The following RAD21 variants were observed in gnomAD, a reference collection of about 807,000 sequenced individuals.
RAD21 encodes RAD21 cohesin complex component.
A neutral mutation model predicts 71.5 loss-of-function variants in RAD21; 18 were observed. The observed-to-expected ratio is 0.25, with a 90% CI of 0.17 to 0.37. The LOEUF is 0.37. Ranked by LOEUF, RAD21 falls within the 10% of genes least tolerant of loss-of-function variation. RAD21 has a pLI of 1.00. For missense variants in RAD21, 493 were observed against 769.1 expected, an observed-to-expected ratio of 0.64 and a Z score of 4.25; for synonymous variants, 248 against 254.0, an observed-to-expected ratio of 0.98 and a Z score of 0.22.
chr8:116,868,644 TAAAA>T, intron 1 of RAD21, among the ~76,000 whole-genome samples: 1 of 152,198 alleles, frequency 6.6e-6, no homozygotes, highest in Non-Finnish European at 1.5e-5. Flanking sequence ...GCAAATAAAC[TAAAA>T]AAGCTAAAAC....
Position 116,866,570 on chromosome 8 carries a change from T to A in RAD21, c.144+16A>T, listed in dbSNP as rs372377073. 1.7e-5 allele frequency: 27 copies of A among 1,585,478 alleles called. No individual in the cohort carries two copies. Among genetic ancestry groups the A allele is most frequent in the Non-Finnish European group, 2.2e-5 (26 of 1,167,594 alleles). ...ACAATCAACAAAGTGAATAAAAATGTCAACATCAAACATACCTTTGGTGAG... is the reference window on the plus strand; with the variant it reads ...ACAATCAACAAAGTGAATAAAAATGACAACATCAAACATACCTTTGGTGAG... On this transcript the variant is annotated intron_variant, in intron 2 of 13. Transcript: ENST00000297338.
rs16888904 is a variant in RAD21 at position 116,851,874 on chromosome 8, C to A, written c.1470+74G>T. On this transcript the variant is annotated intron_variant, in intron 11 of 13. Coordinates refer to ENST00000297338, the MANE Select transcript of RAD21 (RefSeq NM_006265.3). ...GTCAAAACCAAGATACTTTAAAAGG[C>A]CTCCCTAAATACCACTTGCTACTGA... The A allele has an allele frequency of 1.3e-3, 1,904 of 1,455,258 alleles. 25 individuals are homozygous for A. In the African/African-American group the frequency reaches 0.024, roughly 18 times the overall value. 90.1% of individuals were successfully genotyped at this position (1,455,258 alleles called of 1,614,324 possible). A position where few individuals can be genotyped will look rare whatever the true frequency, so the allele number is the denominator to read the frequency against.
intron 10 of RAD21, 154 bp downstream of exon 10, chr8:116,852,395 C>A (rs150839876): frequency 1.9e-4 from 164 of 860,334 alleles, no homozygotes; most frequent in Non-Finnish European, 2.4e-4. Flanking sequence ...AGGCTTCATA[C>A]TTAAATAAGG....
intron 3 of RAD21, 73 bp from the exon 4 acceptor site, chr8:116,862,013 G>C (rs1190810112): frequency 8.6e-7 from 1 of 1,165,542 alleles, no homozygotes; most frequent in African/African-American, 1.5e-5. Flanking sequence ...AGATAAGTAG[G>C]TATAACTTCC....
At chr8:116,860,444 G>T (rs1444686170) in intron 4 of RAD21, among the ~76,000 whole-genome samples, 1 of 152,110 alleles carries the variant, frequency 6.6e-6, no homozygotes, top group Admixed American at 6.6e-5. Context: ...AAACTTCACT[G>T]TTGTCTTATT....
intron 9 of RAD21, 68 bp downstream of exon 9, chr8:116,854,177 G>T: frequency 7.8e-7 from 1 of 1,282,582 alleles, no homozygotes; most frequent in Non-Finnish European, 1.1e-6. Flanking sequence ...TGATTCAAAG[G>T]TTTTAGAATC....
intron 4 of RAD21, 144 bp downstream of exon 4, chr8:116,861,697 T>A: frequency 2.2e-6 from 1 of 454,838 alleles, no homozygotes; most frequent in African/African-American, 2.0e-5. Context: ...TTATGTTCCA[T>A]ATTTATATAC....
In RAD21 at chr8:116,845,951, C is replaced by T. The variant is rs1413888067; in HGVS notation, c.*1549G>A. ...CAAAAAAGTACAGCTTATAACACAA[C>T]TTTTATTAGAAAAGTTATACATAAC... On this transcript the variant is annotated 3_prime_UTR_variant, in exon 14 of 14. Transcript: ENST00000297338. The T allele has an allele frequency of 4.5e-6, 1 of 223,954 alleles. No homozygotes were observed. The highest frequency in any genetic ancestry group is 8.9e-6 in the Non-Finnish European group (1 of 112,222). The allele number at this position is 223,954 out of a possible 1,614,324, so 13.9% of individuals were successfully genotyped here.
At chr8:116,870,517 C>T (rs1812798263) in intron 1 of RAD21, among the ~76,000 whole-genome samples, 2 of 152,174 alleles carry the variant, frequency 1.3e-5, no homozygotes, top group Non-Finnish European at 2.9e-5. Flanking sequence ...CTTCCCATAC[C>T]GGAAGAGAGC....
chr8:116,852,136 G>C, intron 10 of RAD21, 40 bp from the exon 11 acceptor site: 1 of 1,545,276 alleles, frequency 6.5e-7, no homozygotes, highest in East Asian at 2.3e-5. Context: ...AGGTCATACA[G>C]TTTTGAACAG....
chr8:116,859,328 C>T (rs1812536859), intron 4 of RAD21, among the ~76,000 whole-genome samples: 1 of 152,070 alleles, frequency 6.6e-6, no homozygotes, highest in African/African-American at 2.4e-5. Context: ...TTTGGTAATT[C>T]TCATGCTATT....
At position 116,852,653 on chromosome 8, in the gene RAD21, TTCC is replaced by T; in HGVS notation, c.1214_1216del (p.Arg405del). 1.2e-6 allele frequency: 2 copies of T among 1,613,350 alleles called. No homozygotes were observed. The highest frequency in any genetic ancestry group is 2.2e-5 in the East Asian group (1 of 44,850). On this transcript the variant is annotated inframe_deletion, in exon 10 of 14. Coordinates refer to ENST00000297338, the MANE Select transcript of RAD21 (RefSeq NM_006265.3). ...ATCCAAATTATCTGCCTCTCCTCCT[TTCC>T]TCCTTTTTCTAAGGTCTTCTGGTAC...
chr8:116,857,578 G>T, intron 5 of RAD21, 105 bp from the exon 6 acceptor site: 1 of 953,374 alleles, frequency 1.0e-6, no homozygotes, highest in Non-Finnish European at 1.5e-6. Context: ...TTTGCTTACT[G>T]AAGTCTTACT....
intron 4 of RAD21, among the ~76,000 whole-genome samples, chr8:116,860,275 A>C (rs1812562700): frequency 1.3e-5 from 2 of 152,198 alleles, no homozygotes; most frequent in Non-Finnish European, 2.9e-5. Flanking sequence ...AACAACTACA[A>C]AGGGTTTAGA....
At chr8:116,869,173 C>T (rs986377740) in intron 1 of RAD21, among the ~76,000 whole-genome samples, 6 of 152,016 alleles carry the variant, frequency 3.9e-5, no homozygotes, top group Non-Finnish European at 8.8e-5. Flanking sequence ...CAAAGACAAG[C>T]TATAGACTGG....
intron 4 of RAD21, among the ~76,000 whole-genome samples, chr8:116,861,040 CCAT>C: frequency 6.6e-6 from 1 of 151,794 alleles, no homozygotes; most frequent in South Asian, 2.1e-4. Flanking sequence ...TTAAAAATTT[CCAT>C]AATAAAAAAT....
rs540059689 is a variant in RAD21 at position 116,858,249 on chromosome 8, A to T, written c.481+103T>A. ...TTCTTGATGAAAATGCATTACATGA[A>T]ATTTTAAGTCTTTCTGTCTATAGTC... On this transcript the variant is annotated intron_variant, in intron 5 of 13. Coordinates refer to ENST00000297338, the MANE Select transcript of RAD21 (RefSeq NM_006265.3). 36 of 840,546 alleles carry T rather than the reference A, an allele frequency of 4.3e-5. No homozygotes were observed. In the African/African-American group the frequency reaches 4.6e-4, roughly 11 times the overall value. The allele number at this position is 840,546 out of a possible 1,614,324, so 52.1% of individuals were successfully genotyped here.
At chr8:116,857,993 C>A (rs1471231888) in intron 5 of RAD21, among the ~76,000 whole-genome samples, 2 of 152,182 alleles carry the variant, frequency 1.3e-5, no homozygotes, top group Non-Finnish European at 2.9e-5. Flanking sequence ...TCTTAAAAAA[C>A]AATATGCCTT....
Position 116,866,733 on chromosome 8 carries a change from T to C in RAD21, c.-4A>G, listed in dbSNP as rs1389526395. 4 of 1,598,528 alleles carry C rather than the reference T, an allele frequency of 2.5e-6. No homozygotes were observed. In the Admixed American group the frequency reaches 5.2e-5, roughly 21 times the overall value. On this transcript the variant is annotated 5_prime_UTR_variant, in exon 2 of 14. Transcript: ENST00000297338. ...GAACAAAATGTGCGTAGAACATTGT[T>C]CTGGCTGGCTATGAAAACAGAAGAA... is the stretch of plus-strand genomic sequence containing the variant.
Sources: allele counts gnomAD v4.1 joint callset (sites outside exome capture counted in the v4.1 genomes callset), GRCh38; gene constraint gnomAD v4.1.1; transcripts MANE v1.5; gene names NCBI Gene and HGNC (gene_info 2026-07-23, HGNC 2026-07-21).